ATP2B4: variants seen among roughly 807,000 people sequenced by gnomAD.
ATP2B4 encodes the protein ATPase plasma membrane Ca2+ transporting 4, also known as plasma membrane calcium-transporting ATPase 4.
Under a neutral mutation model 110.3 loss-of-function variants are expected in ATP2B4, and 39 were observed. That is an observed-to-expected ratio of 0.35 (90% CI 0.27 to 0.46). ATP2B4 has a LOEUF of 0.46. Among genes scored for constraint, ATP2B4 ranks in the 20% least tolerant of loss-of-function variants. The pLI is 1.00. For synonymous variants in ATP2B4, 538 were observed against 571.7 expected (o/e 0.94, Z 0.84); for missense variants, 1,135 against 1,530.9 (o/e 0.74, Z 4.32).
intron 1 of ATP2B4, among the ~76,000 whole-genome samples, chr1:203,671,943 G>A (rs557709878): frequency 1.7e-3 from 253 of 152,296 alleles, no homozygotes; most frequent in African/African-American, 5.7e-3. Context: ...GAGGGGATGG[G>A]GGCTTCGAAG....
chr1:203,708,122 G>T lies in ATP2B4; in HGVS notation c.1557+18G>T. On this transcript the variant is annotated intron_variant, in intron 10 of 20. Transcript: ENST00000357681. Reference sequence around the variant, plus strand: ...AGATTCTGGTAAGCATTTCCTTTGCGTAGACACTTAGAGTGGGTGGTTGGA... The same window carrying T: ...AGATTCTGGTAAGCATTTCCTTTGCTTAGACACTTAGAGTGGGTGGTTGGA... 3.1e-6 allele frequency: 5 copies of T among 1,613,616 alleles called. No homozygotes were observed. The highest frequency in any genetic ancestry group is 3.4e-6 in the Non-Finnish European group (4 of 1,179,660).
At chr1:203,717,934 G>A (rs959745787) in intron 15 of ATP2B4, among the ~76,000 whole-genome samples, 22 of 152,096 alleles carry the variant, frequency 1.4e-4, no homozygotes, top group African/African-American at 5.1e-4. Flanking sequence ...GTGAGCCACC[G>A]CGCCCGGCCT....
intron 2 of ATP2B4, among the ~76,000 whole-genome samples, chr1:203,697,762 G>A (rs147063933): frequency 3.4e-3 from 502 of 147,642 alleles, no homozygotes; most frequent in Non-Finnish European, 5.9e-3. Context: ...GTGCAATGAC[G>A]TGATCACTGC....
intron 2 of ATP2B4, among the ~76,000 whole-genome samples, chr1:203,693,249 T>G (rs1205667313): frequency 1.3e-5 from 2 of 152,104 alleles, no homozygotes; most frequent in South Asian, 2.1e-4. Context: ...CAGAAAGAAT[T>G]GGAATGGAAA....
intron 15 of ATP2B4, among the ~76,000 whole-genome samples, chr1:203,717,461 C>T (rs1196283992): frequency 2.0e-5 from 3 of 151,978 alleles, no homozygotes; most frequent in Non-Finnish European, 2.9e-5. Context: ...CACCATTAGG[C>T]AGAAGAGGCC....
intron 1 of ATP2B4, among the ~76,000 whole-genome samples, chr1:203,668,394 G>GTGGTT (rs1377702817): frequency 1.3e-5 from 2 of 152,080 alleles, no homozygotes; most frequent in African/African-American, 2.4e-5. Context: ...CCTGACTTTG[G>GTGGTT]TGTTTTGTTT....
intron 18 of ATP2B4, among the ~76,000 whole-genome samples, chr1:203,723,054 A>G (rs916415741): frequency 6.6e-6 from 1 of 152,148 alleles, no homozygotes; most frequent in Non-Finnish European, 1.5e-5. Context: ...CACATCTAGT[A>G]TAGACTCTCC....
chr1:203,740,192 A>G lies in ATP2B4; in HGVS notation c.*338A>G, dbSNP rs1214147689. On this transcript the variant is annotated 3_prime_UTR_variant, in exon 21 of 21. Transcript: ENST00000357681. ...ATTCTCCCCGATGTTCCTCTCCTGA[A>G]TTCTGGATTTTGTCCTACAAGTCTG... is the stretch of plus-strand genomic sequence containing the variant. 2 of 253,066 alleles carry G rather than the reference A, an allele frequency of 7.9e-6. No homozygotes were observed. Among genetic ancestry groups the G allele is most frequent in the Non-Finnish European group, 1.5e-5 (2 of 131,460 alleles). The allele number at this position is 253,066 out of a possible 1,614,324, so 15.7% of individuals were successfully genotyped here.
intron 2 of ATP2B4, among the ~76,000 whole-genome samples, chr1:203,694,912 T>C (rs1665487692): frequency 6.6e-6 from 1 of 152,080 alleles, no homozygotes; most frequent in African/African-American, 2.4e-5. Context: ...TTGAAGCTGA[T>C]AGGATTTCTC....
chr1:203,692,966 A>G (rs1665429437), intron 2 of ATP2B4, among the ~76,000 whole-genome samples: 1 of 152,202 alleles, frequency 6.6e-6, no homozygotes, highest in African/African-American at 2.4e-5. Context: ...TCATAGGGCC[A>G]GAAGTACTCC....
chr1:203,723,296 G>A (rs1666392055), intron 18 of ATP2B4, among the ~76,000 whole-genome samples: 1 of 150,056 alleles, frequency 6.7e-6, no homozygotes. Context: ...ATACAGATGG[G>A]GTCTCACTCT....
intron 1 of ATP2B4, among the ~76,000 whole-genome samples, chr1:203,667,781 G>T (rs754388846): frequency 2.0e-5 from 3 of 152,204 alleles, no homozygotes; most frequent in Non-Finnish European, 4.4e-5. Context: ...ACAGCAGCCT[G>T]GCGTGTCCTC....
intron 1 of ATP2B4, among the ~76,000 whole-genome samples, chr1:203,681,999 A>G (rs985428071): frequency 8.8e-5 from 12 of 136,110 alleles, no homozygotes; most frequent in Non-Finnish European, 1.9e-4. Flanking sequence ...TCTTCTCCCC[A>G]AAAGCCTCTT....
rs188206498 is a variant in ATP2B4 at position 203,660,061 on chromosome 1, G to A, written c.-464-22681G>A. ...TGTGCCACTGCACTCCAGCCTGGGCGGCAGAGCAAGACTCCATCTCAAAAA... is the reference window on the plus strand; with the variant it reads ...TGTGCCACTGCACTCCAGCCTGGGCAGCAGAGCAAGACTCCATCTCAAAAA... On this transcript the variant is annotated intron_variant, in intron 1 of 20. Transcript: ENST00000357681. Among the ~76,000 whole-genome samples, 795 of 150,220 alleles carry A rather than the reference G, an allele frequency of 5.3e-3. 19 individuals are homozygous for A. The highest frequency in any genetic ancestry group is 0.036 in the Admixed American group (546 of 15,140).
rs1666022617 is a variant in ATP2B4 at position 203,711,999 on chromosome 1, A to G, written c.2071A>G (p.Thr691Ala). ...TGCCAAATGCAAACAAGCTGGCATT[A>G]CTGTCAGAATGGTGACAGGTGACAA... ...AIAKCKQAGI[T>A]VRMVTGDNIN... is the part of the protein sequence containing the mutation. The change falls in exon 13 of 21, where the codon ACT becomes GCT. Residue 691 changes from threonine (T) to alanine (A), a missense_variant. Thr to Ala is a moderately conservative substitution (Grantham distance 58, BLOSUM62 0). Coordinates refer to ENST00000357681, the MANE Select transcript of ATP2B4 (RefSeq NM_001684.5). The G allele has an allele frequency of 6.2e-7, 1 of 1,614,160 alleles. No homozygotes were observed. The highest frequency in any genetic ancestry group is 8.5e-7 in the Non-Finnish European group (1 of 1,179,998).
intron 20 of ATP2B4, among the ~76,000 whole-genome samples, chr1:203,731,120 G>A (rs1418174784): frequency 6.6e-6 from 1 of 152,120 alleles, no homozygotes; most frequent in Admixed American, 6.5e-5. Context: ...TTCTTCCATG[G>A]AGCTGGAACC....
intron 10 of ATP2B4, among the ~76,000 whole-genome samples, chr1:203,708,870 A>C (rs773891313): frequency 2.7e-4 from 41 of 151,954 alleles, no homozygotes; most frequent in Non-Finnish European, 4.9e-4. Flanking sequence ...GAAAAAGAAA[A>C]AAGATGCCAG....
At position 203,743,878 on chromosome 1, in the gene ATP2B4, G is replaced by A. The variant is rs139510407; in HGVS notation, c.*4024G>A. The A allele has an allele frequency of 4.2e-3, 633 of 152,434 alleles. 2 individuals carry two copies. The highest frequency in any genetic ancestry group is 6.2e-3 in the Admixed American group (95 of 15,272). 9.4% of individuals were successfully genotyped at this position (152,434 alleles called of 1,614,324 possible). On this transcript the variant is annotated 3_prime_UTR_variant, in exon 21 of 21. Transcript: ENST00000357681. ...ATATTATTTAAGCTCTATGTACAAG[G>A]TTTTGCATGTATTTATATGGTTCTT...
At chr1:203,681,421 A>G (rs940051657) in intron 1 of ATP2B4, among the ~76,000 whole-genome samples, 1 of 152,158 alleles carries the variant, frequency 6.6e-6, no homozygotes, top group Non-Finnish European at 1.5e-5. Context: ...GCATCTATTT[A>G]TTACAGAGAG....
Sources: allele counts gnomAD v4.1 joint callset (sites outside exome capture counted in the v4.1 genomes callset), GRCh38; gene constraint gnomAD v4.1.1; transcripts MANE v1.5; gene names NCBI Gene and HGNC (gene_info 2026-07-23, HGNC 2026-07-21).